Variants in FHIT observed in about 807,000 individuals in gnomAD.
FHIT encodes bis(5'-adenosyl)-triphosphatase.
Under a neutral mutation model 17.9 loss-of-function variants are expected in FHIT, and 19 were observed. That is an observed-to-expected ratio of 1.06 (90% CI 0.74 to 1.56). FHIT has a LOEUF of 1.56. Among genes scored for constraint, FHIT ranks in the 40% most tolerant of loss-of-function variants. The pLI is 0.00. For missense variants in FHIT, 248 were observed against 189.2 expected (o/e 1.31, Z -1.82); for synonymous variants, 81 against 69.7 (o/e 1.16, Z -0.81).
chr3:61,071,793 T>TA (rs2034817380), intron 2 of FHIT, among the ~76,000 whole-genome samples: 1 of 152,178 alleles, frequency 6.6e-6, no homozygotes, highest in Non-Finnish European at 1.5e-5. Context: ...AAGACAAAGA[T>TA]GAAATACCCC....
intron 5 of FHIT, among the ~76,000 whole-genome samples, chr3:60,143,565 A>C (rs893367468): frequency 2.0e-5 from 3 of 152,142 alleles, no homozygotes; most frequent in Non-Finnish European, 4.4e-5. Context: ...ACAAGCAAAA[A>C]TAAATGATTA....
At chr3:60,864,262 A>G (rs1344263432) in intron 3 of FHIT, among the ~76,000 whole-genome samples, 1 of 152,144 alleles carries the variant, frequency 6.6e-6, no homozygotes, top group Non-Finnish European at 1.5e-5. Context: ...ACACAGCCAA[A>G]CCATAGCAGA....
chr3:60,133,763 G>A (rs1223705465), intron 5 of FHIT, among the ~76,000 whole-genome samples: 1 of 150,808 alleles, frequency 6.6e-6, no homozygotes, highest in Non-Finnish European at 1.5e-5. Flanking sequence ...TCCTAAAAGA[G>A]GAAGCATTTC....
chr3:59,821,423 A>G (rs886854460), intron 8 of FHIT, among the ~76,000 whole-genome samples: 1 of 152,172 alleles, frequency 6.6e-6, no homozygotes, highest in Admixed American at 6.5e-5. Flanking sequence ...AAAACACTCC[A>G]CACCCATTAT....
chr3:59,927,717 C>T (rs1446675400), intron 7 of FHIT, among the ~76,000 whole-genome samples: 1 of 151,978 alleles, frequency 6.6e-6, no homozygotes, highest in Non-Finnish European at 1.5e-5. Flanking sequence ...TGCCGTGAGC[C>T]GAGATCGTGC....
chr3:60,676,500 AG>A (rs1481311220), intron 4 of FHIT, among the ~76,000 whole-genome samples: 1 of 152,238 alleles, frequency 6.6e-6, no homozygotes, highest in Non-Finnish European at 1.5e-5. Flanking sequence ...TGGACAAGTC[AG>A]AAGCAGTCTC....
intron 5 of FHIT, among the ~76,000 whole-genome samples, chr3:60,165,825 C>T (rs187887386): frequency 3.9e-5 from 6 of 152,212 alleles, no homozygotes. Context: ...ACAGGTCCCA[C>T]TACTGAGAGG....
At chr3:61,044,035 A>G (rs2033659788) in intron 2 of FHIT, among the ~76,000 whole-genome samples, 1 of 152,212 alleles carries the variant, frequency 6.6e-6, no homozygotes, top group Non-Finnish European at 1.5e-5. Context: ...GAGAAACCAG[A>G]GTAGAAAAGC....
chr3:61,056,015 T>C (rs1035311514), intron 2 of FHIT, among the ~76,000 whole-genome samples: 2 of 152,232 alleles, frequency 1.3e-5, no homozygotes, highest in Admixed American at 1.3e-4. Flanking sequence ...AATGCACAGA[T>C]AAATTGTTTT....
chr3:59,884,852 C>G lies in FHIT; in HGVS notation c.348+37494G>C, dbSNP rs970257637. Among the ~76,000 whole-genome samples the G allele has an allele frequency of 7.9e-5, 12 of 152,136 alleles. No homozygotes were observed. The East Asian group carries it at 2.3e-3, about 29-fold the overall frequency. ...GGTCATTAATGTGAGATCCTTGGGACAATATGCACTCTGTATGTCTCAATA... is the reference window on the plus strand; with the variant it reads ...GGTCATTAATGTGAGATCCTTGGGAGAATATGCACTCTGTATGTCTCAATA... On this transcript the variant is annotated intron_variant, in intron 8 of 9. Coordinates refer to ENST00000492590, the MANE Select transcript of FHIT (RefSeq NM_002012.4).
chr3:59,974,689 C>A (rs568083080), intron 7 of FHIT, among the ~76,000 whole-genome samples: 1 of 152,090 alleles, frequency 6.6e-6, no homozygotes, highest in Non-Finnish European at 1.5e-5. Flanking sequence ...GTGTGCACAG[C>A]AGCCAAGCCC....
intron 3 of FHIT, among the ~76,000 whole-genome samples, chr3:61,040,260 C>T (rs2033442808): frequency 6.6e-6 from 1 of 152,192 alleles, no homozygotes; most frequent in Non-Finnish European, 1.5e-5. Flanking sequence ...TAGCCTGTTA[C>T]CTAAATCAAG....
intron 3 of FHIT, among the ~76,000 whole-genome samples, chr3:60,916,355 A>G (rs782354030): frequency 1.3e-5 from 2 of 152,248 alleles, no homozygotes; most frequent in Non-Finnish European, 2.9e-5. Flanking sequence ...CAAAGACAAT[A>G]TAACAATTCA....
At chr3:60,264,652 C>T (rs213329) in intron 5 of FHIT, among the ~76,000 whole-genome samples, 146,350 of 152,014 alleles carry the variant, frequency 0.96, 70,472 homozygotes, top group East Asian at 1. Context: ...CCTTCGAAAG[C>T]CTCTGCTAGG....
chr3:61,104,476 C>G (rs935186670), intron 2 of FHIT, among the ~76,000 whole-genome samples: 2 of 152,082 alleles, frequency 1.3e-5, no homozygotes, highest in Non-Finnish European at 2.9e-5. Flanking sequence ...GTGAGCTGAC[C>G]TTTCTCTCTA....
chr3:60,040,202 A>G (rs1701379557), intron 5 of FHIT, among the ~76,000 whole-genome samples: 1 of 152,006 alleles, frequency 6.6e-6, no homozygotes, highest in African/African-American at 2.4e-5. Flanking sequence ...CTGGAGTACA[A>G]TGATGTGATC....
intron 4 of FHIT, among the ~76,000 whole-genome samples, chr3:60,613,944 C>T (rs560537818): frequency 7.2e-5 from 11 of 152,192 alleles, no homozygotes; most frequent in Admixed American, 2.6e-4. Context: ...ATCAGCTCAA[C>T]AGGATCAACA....
At chr3:60,314,293 A>G (rs1312939857) in intron 5 of FHIT, among the ~76,000 whole-genome samples, 2 of 152,134 alleles carry the variant, frequency 1.3e-5, no homozygotes, top group Non-Finnish European at 2.9e-5. Context: ...GGGCAAATTC[A>G]TTACCCATAA....
intron 4 of FHIT, among the ~76,000 whole-genome samples, chr3:60,635,303 T>C (rs1428754683): frequency 2.6e-5 from 4 of 152,218 alleles, no homozygotes; most frequent in Non-Finnish European, 4.4e-5. Flanking sequence ...CTTTTTATTA[T>C]GAATGCATAA....
Sources: allele counts gnomAD v4.1 joint callset (sites outside exome capture counted in the v4.1 genomes callset), GRCh38; gene constraint gnomAD v4.1.1; transcripts MANE v1.5; gene names NCBI Gene and HGNC (gene_info 2026-07-23, HGNC 2026-07-21).